PCMT1: variants seen among roughly 807,000 people sequenced by gnomAD.
The protein encoded by PCMT1 is protein-L-isoaspartate (D-aspartate) O-methyltransferase.
Under a neutral mutation model 29.2 loss-of-function variants are expected in PCMT1, and 9 were observed. The ratio of observed to expected loss-of-function variants is 0.31; its 90% CI spans 0.19 to 0.54. The LOEUF (loss-of-function observed/expected upper bound fraction) is 0.54, where lower values mean the gene tolerates loss of function less well. Among genes scored for constraint, PCMT1 ranks in the 20% least tolerant of loss-of-function variants. The pLI, the probability that PCMT1 is intolerant of heterozygous loss-of-function variation, is 0.95. For missense variants in PCMT1, 184 were observed against 282.2 expected (o/e 0.65, Z 2.49); for synonymous variants, 98 against 97.5 (o/e 1.00, Z -0.03).
rs1554251094 is a variant in PCMT1, at chr6:149,758,208, C to CTTTCTTTTTTT, written c.55+8255_55+8256insCTTTTTTTTTT. The stretch of plus-strand genomic sequence containing the variant: ...CAATTTTTTTTTTCTTTCTTTCTTT[C>CTTTCTTTTTTT]TTTTTTTTTTTTTTTTTTCTGAGAC... On this transcript the variant is annotated intron_variant, in intron 1 of 7. Transcript: ENST00000464889. Among the ~76,000 whole-genome samples the CTTTCTTTTTTT allele has an allele frequency of 2.7e-4, 20 of 73,900 alleles. No homozygotes were observed. The East Asian group carries it at 3.0e-3, about 11-fold the overall frequency. The allele number at this position is 73,900 out of a possible 152,430, so 48.5% of individuals were successfully genotyped here.
At chr6:149,764,077 T>G (rs1226077657) in intron 1 of PCMT1, among the ~76,000 whole-genome samples, 1 of 152,244 alleles carries the variant, frequency 6.6e-6, no homozygotes, top group Non-Finnish European at 1.5e-5. Context: ...CTTGTGACTT[T>G]GAGAGTCTAT....
intron 7 of PCMT1, among the ~76,000 whole-genome samples, chr6:149,805,392 G>GT (rs1562427299): frequency 1.3e-5 from 2 of 151,568 alleles, no homozygotes; most frequent in Admixed American, 6.6e-5. Flanking sequence ...AGGAGATCGA[G>GT]ACCATCCTGG....
chr6:149,776,903 A>C (rs780105312), intron 3 of PCMT1, among the ~76,000 whole-genome samples: 6 of 152,184 alleles, frequency 3.9e-5, no homozygotes, highest in Non-Finnish European at 5.9e-5. Flanking sequence ...TATCTATCGA[A>C]ATGTGAAATA....
intron 7 of PCMT1, 78 bp from the exon 8 acceptor site, chr6:149,810,538 T>C (rs1776132517): frequency 9.9e-7 from 1 of 1,007,212 alleles, no homozygotes; most frequent in Non-Finnish European, 1.5e-6. Context: ...GACTTAATAG[T>C]TGTGTCTAAA....
At position 149,811,103 on chromosome 6, in the gene PCMT1, G is replaced by A. The variant is rs1453591872; in HGVS notation, c.*525G>A. ...GAGCTTTCTTTTTAAAGCTTTTGAT[G>A]TGGTGTCATAGAATAGCATGTTGTA... On this transcript the variant is annotated 3_prime_UTR_variant, in exon 8 of 8. Coordinates refer to ENST00000464889, the MANE Select transcript of PCMT1 (RefSeq NM_001360452.2). The A allele has an allele frequency of 6.5e-6, 1 of 154,414 alleles. No homozygotes were observed. Among genetic ancestry groups the A allele is most frequent in the Non-Finnish European group, 1.4e-5 (1 of 69,662 alleles). The allele number at this position is 154,414 out of a possible 1,614,324, so 9.6% of individuals were successfully genotyped here. A position where few individuals can be genotyped will look rare whatever the true frequency, so the allele number is the denominator to read the frequency against.
chr6:149,773,359 T>A (rs1385851605), intron 3 of PCMT1, among the ~76,000 whole-genome samples, 190 bp downstream of exon 3: 1 of 43,896 alleles, frequency 2.3e-5, no homozygotes, highest in Non-Finnish European at 3.5e-5. Flanking sequence ...GAGTTTTGTT[T>A]TGTTTTGTTT....
At chr6:149,758,763 T>C (rs1476766833) in intron 1 of PCMT1, among the ~76,000 whole-genome samples, 1 of 152,182 alleles carries the variant, frequency 6.6e-6, no homozygotes, top group African/African-American at 2.4e-5. Context: ...TTATTTTTTT[T>C]CCCCATTGAT....
At chr6:149,789,179 C>A (rs1788251177) in intron 3 of PCMT1, among the ~76,000 whole-genome samples, 1 of 150,268 alleles carries the variant, frequency 6.7e-6, no homozygotes, top group South Asian at 2.1e-4. Flanking sequence ...CGGGTTCAAG[C>A]AGTTCTCTGC....
At chr6:149,766,695 T>TGG (rs1312656335) in intron 1 of PCMT1, among the ~76,000 whole-genome samples, 3 of 152,216 alleles carry the variant, frequency 2.0e-5, no homozygotes, top group African/African-American at 7.2e-5. Context: ...AAATATTTAC[T>TGG]ATTTGGACCT....
Position 149,778,762 on chromosome 6 carries a change from C to G in PCMT1, c.192+5593C>G, listed in dbSNP as rs578235109. 7.4e-4 allele frequency among the ~76,000 whole-genome samples: 113 copies of G among 152,140 alleles called. 1 individual carries two copies. Among genetic ancestry groups the G allele is most frequent in the Middle Eastern group, 6.8e-3 (2 of 294 alleles). The stretch of plus-strand genomic sequence containing the variant: ...CTGTGTTGCCCAAGCTAGTTCTGAA[C>G]CCTGGAGCTCAAGCGATCCTCCCAC... On this transcript the variant is annotated intron_variant, in intron 3 of 7. Transcript: ENST00000464889.
chr6:149,764,572 A>C (rs1340934453), intron 1 of PCMT1, among the ~76,000 whole-genome samples: 1 of 151,144 alleles, frequency 6.6e-6, no homozygotes. Context: ...CCCACTCTCT[A>C]AAAAAAAACT....
In PCMT1 at chr6:149,786,473, C is replaced by G. The variant is rs1388313785; in HGVS notation, c.193-3481C>G. 2.8e-5 allele frequency among the ~76,000 whole-genome samples: 4 copies of G among 142,440 alleles called. 1 individual carries two copies. The highest frequency in any genetic ancestry group is 8.2e-5 in the African/African-American group (3 of 36,528). The allele number at this position is 142,440 out of a possible 152,430, so 93.4% of individuals were successfully genotyped here. On this transcript the variant is annotated intron_variant, in intron 3 of 7. Transcript: ENST00000464889. ...GCTGGGCGGAGACGCTCCTCACTTCCCAGACGGGGTGGCTGCCAGGCGGAG... is the reference window on the plus strand; with the variant it reads ...GCTGGGCGGAGACGCTCCTCACTTCGCAGACGGGGTGGCTGCCAGGCGGAG...
intron 1 of PCMT1, among the ~76,000 whole-genome samples, chr6:149,762,063 A>G (rs1200030897): frequency 6.6e-6 from 1 of 151,916 alleles, no homozygotes; most frequent in Non-Finnish European, 1.5e-5. Context: ...AGTTTTCCTT[A>G]TATGTAAATC....
rs201575639 is a variant in PCMT1 at position 149,778,229 on chromosome 6, TTTA to T, written c.192+5072_192+5074del. Among the ~76,000 whole-genome samples, 352 of 150,784 alleles carry T rather than the reference TTTA, an allele frequency of 2.3e-3. 3 individuals carry two copies. Among genetic ancestry groups the T allele is most frequent in the East Asian group, 0.022 (112 of 5,082 alleles). ...TTAATTTTTTTTAACATTTTAATTT[TTTA>T]TTATTATTATTTTTGAGATGGAGTC... On this transcript the variant is annotated intron_variant, in intron 3 of 7. Transcript: ENST00000464889.
At chr6:149,774,705 CTT>C (rs35453827) in intron 3 of PCMT1, among the ~76,000 whole-genome samples, 3,103 of 119,568 alleles carry the variant, frequency 0.026, 38 homozygotes, top group Non-Finnish European at 0.041. Flanking sequence ...ACCTGGCTAA[CTT>C]TTTTTTTTTT....
At chr6:149,788,026 T>C (rs1788196491) in intron 3 of PCMT1, among the ~76,000 whole-genome samples, 1 of 152,150 alleles carries the variant, frequency 6.6e-6, no homozygotes, top group Admixed American at 6.5e-5. Context: ...CACGCCATTG[T>C]CCTGCCTCAG....
chr6:149,775,796 G>A (rs1787538236), intron 3 of PCMT1, among the ~76,000 whole-genome samples: 1 of 152,152 alleles, frequency 6.6e-6, no homozygotes. Flanking sequence ...ATACATTTGT[G>A]TTTGTGTGTA....
chr6:149,755,306 T>C (rs1786464862), intron 1 of PCMT1, among the ~76,000 whole-genome samples: 1 of 151,998 alleles, frequency 6.6e-6, no homozygotes, highest in South Asian at 2.1e-4. Flanking sequence ...TAGTCTCAGC[T>C]ACATGAGCTA....
At chr6:149,772,453 A>G in intron 2 of PCMT1, 2 of 380,688 alleles carry the variant, frequency 5.3e-6, no homozygotes, top group Non-Finnish European at 1.0e-5. Context: ...CAGACTTTGT[A>G]TACCTATTAC....
Sources: allele counts gnomAD v4.1 joint callset (sites outside exome capture counted in the v4.1 genomes callset), GRCh38; gene constraint gnomAD v4.1.1; transcripts MANE v1.5; gene names NCBI Gene and HGNC (gene_info 2026-07-23, HGNC 2026-07-21).